PRKD3: variants seen among roughly 807,000 people sequenced by gnomAD.
PRKD3 encodes the protein protein kinase D3, also known as serine/threonine-protein kinase D3.
Under a neutral mutation model 99.2 loss-of-function variants are expected in PRKD3, and 47 were observed. The observed-to-expected ratio is 0.47, with a 90% CI of 0.38 to 0.60. The LOEUF (loss-of-function observed/expected upper bound fraction) is 0.60. PRKD3 is among the 20% of genes least tolerant of loss of function. PRKD3 has a pLI of 0.00. For synonymous variants in PRKD3, 392 were observed against 355.4 expected, an observed-to-expected ratio of 1.10 and a Z score of -1.16; for missense variants, 1,019 against 1,088.4, an observed-to-expected ratio of 0.94 and a Z score of 0.90.
At chr2:37,262,222 G>T (rs1361098251) in intron 14 of PRKD3, among the ~76,000 whole-genome samples, 1 of 152,100 alleles carries the variant, frequency 6.6e-6, no homozygotes, top group African/African-American at 2.4e-5. Context: ...CCTATGTGAG[G>T]CTGAGTTCCA....
At chr2:37,266,532 G>T (rs1270883052) in intron 14 of PRKD3, among the ~76,000 whole-genome samples, 5 of 151,808 alleles carry the variant, frequency 3.3e-5, no homozygotes, top group Non-Finnish European at 7.4e-5. Context: ...TGTTGCCCAG[G>T]CTGGAGTGCA....
intron 2 of PRKD3, among the ~76,000 whole-genome samples, chr2:37,302,045 AAAGAGTC>A (rs1670953603): frequency 1.3e-5 from 2 of 152,340 alleles, no homozygotes; most frequent in Non-Finnish European, 1.5e-5. Flanking sequence ...TTAGGGAATA[AAAGAGTC>A]AAGAGAATAA....
chr2:37,300,097 T>C (rs1670855686), intron 2 of PRKD3, among the ~76,000 whole-genome samples: 10 of 152,198 alleles, frequency 6.6e-5, no homozygotes, highest in Admixed American at 4.6e-4. Context: ...AAATTCACAA[T>C]AGCCACAACA....
intron 2 of PRKD3, among the ~76,000 whole-genome samples, chr2:37,294,974 C>T (rs890990384): frequency 6.6e-6 from 1 of 152,188 alleles, no homozygotes; most frequent in Non-Finnish European, 1.5e-5. Context: ...ACTTGGGAGG[C>T]TGAGGCATAA....
intron 2 of PRKD3, among the ~76,000 whole-genome samples, chr2:37,296,761 G>A (rs1340398029): frequency 2.0e-5 from 3 of 151,718 alleles, no homozygotes; most frequent in African/African-American, 2.4e-5. Flanking sequence ...TTAGCCGGGC[G>A]TGGTGGCGGG....
At chr2:37,291,639 G>T (rs1670429236) in intron 3 of PRKD3, among the ~76,000 whole-genome samples, 1 of 152,158 alleles carries the variant, frequency 6.6e-6, no homozygotes, top group South Asian at 2.1e-4. Flanking sequence ...GCAAGGATTG[G>T]GAAATATAGA....
intron 9 of PRKD3, 46 bp downstream of exon 9, chr2:37,277,820 C>T: frequency 6.3e-7 from 1 of 1,591,746 alleles, no homozygotes; most frequent in African/African-American, 1.3e-5. Context: ...GAATGAAACT[C>T]ATAACAAAGT....
intron 14 of PRKD3, among the ~76,000 whole-genome samples, chr2:37,264,505 T>G (rs1390446767): frequency 2.4e-5 from 2 of 84,026 alleles, no homozygotes; most frequent in Non-Finnish European, 4.6e-5. Context: ...GAAAAAGAGT[T>G]AAGGTAGGGG....
intron 2 of PRKD3, among the ~76,000 whole-genome samples, chr2:37,306,068 T>TG (rs547357442): frequency 9.8e-5 from 4 of 40,654 alleles, no homozygotes; most frequent in African/African-American, 3.4e-4. Flanking sequence ...CCTTGGATTC[T>TG]TTTTTTTTTT....
intron 5 of PRKD3, among the ~76,000 whole-genome samples, chr2:37,288,991 T>A (rs1572670027): frequency 6.6e-6 from 1 of 151,080 alleles, no homozygotes; most frequent in East Asian, 1.9e-4. Context: ...GAGGCGGAGG[T>A]TGCAGTGAGC....
chr2:37,269,559 C>G lies in PRKD3; in HGVS notation c.1777+56G>C, dbSNP rs777071594. The G allele has an allele frequency of 9.1e-5, 133 of 1,464,330 alleles. No homozygotes were observed. In the Middle Eastern group the frequency reaches 1.4e-3, roughly 15 times the overall value. 90.7% of individuals were successfully genotyped at this position (1,464,330 alleles called of 1,614,324 possible). ...GACAAAACAGCTGGCAGATGTTTTA[C>G]ATTTTCCAGTTTTTAAAATAATGTG... On this transcript the variant is annotated intron_variant, in intron 13 of 18. Coordinates refer to ENST00000234179, the MANE Select transcript of PRKD3 (RefSeq NM_005813.6).
chr2:37,256,981 C>A, intron 16 of PRKD3, 52 bp from the exon 17 acceptor site: 2 of 1,569,530 alleles, frequency 1.3e-6, no homozygotes, highest in South Asian at 1.1e-5. Flanking sequence ...ATATATGTAA[C>A]TACCTGTCCC....
chr2:37,268,146 A>G (rs1668969904), intron 13 of PRKD3: 2 of 353,852 alleles, frequency 5.7e-6, no homozygotes, highest in Admixed American at 4.0e-5. Flanking sequence ...TGACAGGTAT[A>G]TTTTTGGTAT....
intron 14 of PRKD3, among the ~76,000 whole-genome samples, chr2:37,263,796 G>A (rs1328328731): frequency 6.6e-6 from 1 of 152,096 alleles, no homozygotes; most frequent in Non-Finnish European, 1.5e-5. Flanking sequence ...CATCTTCACT[G>A]TTGTTGGAAA....
intron 8 of PRKD3, chr2:37,279,296 A>G (rs1351276182): frequency 2.0e-5 from 3 of 152,608 alleles, no homozygotes; most frequent in East Asian, 3.8e-4. Context: ...TAACTGTGGC[A>G]ATATGAAAAC....
chr2:37,271,348 A>C (rs1669253310), intron 12 of PRKD3, among the ~76,000 whole-genome samples: 1 of 152,226 alleles, frequency 6.6e-6, no homozygotes, highest in Non-Finnish European at 1.5e-5. Context: ...AAATCAAAAT[A>C]ATATTCTGTG....
In PRKD3 at chr2:37,293,320, A is replaced by G. The variant is rs746945247; in HGVS notation, c.289-49T>C. The G allele has an allele frequency of 2.1e-5, 31 of 1,448,208 alleles. No homozygotes were observed. The East Asian group carries it at 4.6e-4, about 22-fold the overall frequency. 89.7% of individuals were successfully genotyped at this position (1,448,208 alleles called of 1,614,324 possible). On this transcript the variant is annotated intron_variant, in intron 2 of 18. Coordinates refer to ENST00000234179, the MANE Select transcript of PRKD3 (RefSeq NM_005813.6). ...AGTATGACCACAGTTTTCTATTTTT[A>G]TAAGTAAACGTTTCAATTTTATCAA...
In PRKD3 at chr2:37,277,915, G is replaced by GTGC; in HGVS notation, c.1244_1246dup (p.Ser415dup). ...GACCATCCACCCTTCCTTCACCATT[G>GTGC]TGCTGCTCTTCCTCTTTGTGTGCTT... is the stretch of plus-strand genomic sequence containing the variant. On this transcript the variant is annotated inframe_insertion, in exon 9 of 19. Coordinates refer to ENST00000234179, the MANE Select transcript of PRKD3 (RefSeq NM_005813.6). 1 of 1,613,598 alleles carries GTGC rather than the reference G, an allele frequency of 6.2e-7. No homozygotes were observed. The highest frequency in any genetic ancestry group is 2.2e-5 in the East Asian group (1 of 44,818).
At chr2:37,304,327 G>C (rs558553982) in intron 2 of PRKD3, among the ~76,000 whole-genome samples, 2 of 152,098 alleles carry the variant, frequency 1.3e-5, no homozygotes, top group East Asian at 3.9e-4. Context: ...GCAGCTCAAT[G>C]ATTCTGTTTC....
Sources: gnomAD v4.1 joint callset for allele counts (sites outside exome capture counted in the v4.1 genomes callset) on GRCh38, gnomAD v4.1.1 for gene constraint, MANE v1.5 for transcripts, NCBI Gene and HGNC (gene_info 2026-07-23, HGNC 2026-07-21) for gene names.